Variants in WDR53 observed in about 807,000 individuals in gnomAD.
WDR53 encodes the protein WD repeat-containing protein 53.
A neutral mutation model predicts 21.3 loss-of-function variants in WDR53; 19 were observed. That is an observed-to-expected ratio of 0.89 (90% CI 0.62 to 1.31). The LOEUF (loss-of-function observed/expected upper bound fraction) is 1.31, where lower values mean the gene tolerates loss of function less well. Among genes scored for constraint, WDR53 ranks in the 50% most tolerant of loss-of-function variants. WDR53 has a pLI of 0.00. For synonymous variants in WDR53, 157 were observed against 163.4 expected (o/e 0.96, Z 0.30); for missense variants, 374 against 423.2 (o/e 0.88, Z 1.02).
chr3:196,559,279 T>G (rs1190528709), intron 3 of WDR53, among the ~76,000 whole-genome samples: 3 of 152,184 alleles, frequency 2.0e-5, no homozygotes. Flanking sequence ...GTAGGAGATT[T>G]ATAAAGGGCT....
In WDR53 at chr3:196,566,895, G is replaced by C. The variant is rs1735455306; in HGVS notation, c.-35C>G. 4.8e-6 allele frequency: 1 copy of C among 209,848 alleles called. No homozygotes were observed. Among genetic ancestry groups the C allele is most frequent in the Non-Finnish European group, 9.8e-6 (1 of 101,594 alleles). 13.0% of individuals were successfully genotyped at this position (209,848 alleles called of 1,614,324 possible). A position where few individuals can be genotyped will look rare whatever the true frequency, so the allele number is the denominator to read the frequency against. On this transcript the variant is annotated 5_prime_UTR_variant, in exon 2 of 4. Transcript: ENST00000332629. Reference sequence around the variant, plus strand: ...ATCTTACTTTGAAATTCTACCTGGGGCGCTCAGGAGACGGTCTGCCGTTGA... The same window carrying C: ...ATCTTACTTTGAAATTCTACCTGGGCCGCTCAGGAGACGGTCTGCCGTTGA...
At chr3:196,560,882 T>C in intron 3 of WDR53, 114 bp downstream of exon 3, 1 of 1,313,542 alleles carries the variant, frequency 7.6e-7, no homozygotes, top group Non-Finnish European at 1.0e-6. Flanking sequence ...TGTTCATAAA[T>C]GGATATGTTA....
At chr3:196,567,797 C>A in intron 1 of WDR53, among the ~76,000 whole-genome samples, 1 of 105,860 alleles carries the variant, frequency 9.4e-6, no homozygotes, top group African/African-American at 3.8e-5. Context: ...GAGGTAGGGG[C>A]TCACTCTGTC....
rs928374185 is a variant in WDR53, at chr3:196,561,385, C to T, written c.91G>A (p.Gly31Arg). 5.6e-6 allele frequency: 9 copies of T among 1,614,002 alleles called. No individual in the cohort carries two copies. Among genetic ancestry groups the T allele is most frequent in the African/African-American group, 5.3e-5 (4 of 74,894 alleles). ...TCTTCACCCCAAGCCGTGAGATCTCCGCCCTCTGCTCCAGAAGCCAGCAGC... is the reference window on the plus strand; with the variant it reads ...TCTTCACCCCAAGCCGTGAGATCTCTGCCCTCTGCTCCAGAAGCCAGCAGC... ...EGLLASGAEG[G>R]DLTAWGEDGT... Residue 31 changes from glycine (G) to arginine (R), a missense_variant, in exon 3 of 4, where the codon GGA becomes AGA. Gly to Arg is a moderately radical substitution (Grantham distance 125). Coordinates refer to ENST00000332629, the MANE Select transcript of WDR53 (RefSeq NM_182627.3).
intron 2 of WDR53, among the ~76,000 whole-genome samples, chr3:196,566,598 G>A (rs1735419652): frequency 1.3e-5 from 2 of 151,656 alleles, no homozygotes; most frequent in Non-Finnish European, 2.9e-5. Context: ...ATGTTTGGTA[G>A]AGATGGGGTT....
rs898756075 is a variant in WDR53, at chr3:196,566,907, C to T, written c.-47G>A. On this transcript the variant is annotated 5_prime_UTR_variant, in exon 2 of 4. Transcript: ENST00000332629. ...AATTCTACCTGGGGCGCTCAGGAGA[C>T]GGTCTGCCGTTGAAAGTCACCTCAG... is the stretch of plus-strand genomic sequence containing the variant. The T allele has an allele frequency of 1.4e-5, 3 of 215,786 alleles. No homozygotes were observed. The highest frequency in any genetic ancestry group is 2.9e-5 in the Non-Finnish European group (3 of 104,706). The allele number at this position is 215,786 out of a possible 1,614,324, so 13.4% of individuals were successfully genotyped here. A position where few individuals can be genotyped will look rare whatever the true frequency, so the allele number is the denominator to read the frequency against.
chr3:196,554,373 T>G lies in WDR53; in HGVS notation c.915A>C (p.Ser305=). 3.1e-6 allele frequency: 5 copies of G among 1,614,240 alleles called. No individual in the cohort carries two copies. Among genetic ancestry groups the G allele is most frequent in the Non-Finnish European group, 4.2e-6 (5 of 1,180,028 alleles). The change falls in exon 4 of 4, where the codon TCA becomes TCC. Residue 305 remains serine (S), a synonymous_variant. Transcript: ENST00000332629. ...CTKQGGNTNA[S]VTDEEEHGNI... Reference sequence around the variant, plus strand: ...TGCCATGTTCTTCCTCATCTGTTACTGAAGCGTTAGTATTTCCACCCTGCT... The same window carrying G: ...TGCCATGTTCTTCCTCATCTGTTACGGAAGCGTTAGTATTTCCACCCTGCT...
intron 3 of WDR53, among the ~76,000 whole-genome samples, chr3:196,555,128 C>A (rs1364810754): frequency 6.6e-6 from 1 of 152,146 alleles, no homozygotes; most frequent in Non-Finnish European, 1.5e-5. Flanking sequence ...CAAGTAAAAC[C>A]AAAGATTATC....
At chr3:196,559,237 A>T (rs534893571) in intron 3 of WDR53, among the ~76,000 whole-genome samples, 3 of 152,356 alleles carry the variant, frequency 2.0e-5, no homozygotes, top group African/African-American at 7.2e-5. Flanking sequence ...TTACAACCAC[A>T]AGGGCAGATT....
intron 2 of WDR53, among the ~76,000 whole-genome samples, chr3:196,566,477 A>T (rs1735405680): frequency 6.6e-6 from 1 of 150,466 alleles, no homozygotes; most frequent in Non-Finnish European, 1.5e-5. Flanking sequence ...GCAATGGTGC[A>T]ATCTCGGCTC....
chr3:196,555,487 TATTA>T (rs1386298573), intron 3 of WDR53, among the ~76,000 whole-genome samples: 3 of 152,250 alleles, frequency 2.0e-5, no homozygotes, highest in African/African-American at 7.2e-5. Context: ...GACATCCTGG[TATTA>T]ATTTCATTTG....
chr3:196,564,699 T>C (rs1030706715), intron 2 of WDR53, among the ~76,000 whole-genome samples: 1 of 152,174 alleles, frequency 6.6e-6, no homozygotes, highest in African/African-American at 2.4e-5. Context: ...ATCACTTTTT[T>C]GCCAAGTTAT....
rs1278951649 is a variant in WDR53, at chr3:196,566,660, C to T, written c.-17+217G>A. ...AACTCCTGACTGCAGGTGATCCGCC[C>T]GCTTCGGCCTCCCAAAGTGCTGGGA... On this transcript the variant is annotated intron_variant, in intron 2 of 3. Coordinates refer to ENST00000332629, the MANE Select transcript of WDR53 (RefSeq NM_182627.3). Among the ~76,000 whole-genome samples, 4 of 152,214 alleles carry T rather than the reference C, an allele frequency of 2.6e-5. 1 individual carries two copies. The highest frequency in any genetic ancestry group is 2.0e-4 in the Admixed American group (3 of 15,290).
In WDR53 at chr3:196,561,342, T is replaced by C. The variant is rs957705352; in HGVS notation, c.134A>G (p.His45Arg). 7 of 1,614,006 alleles carry C rather than the reference T, an allele frequency of 4.3e-6. No individual in the cohort carries two copies. The highest frequency in any genetic ancestry group is 5.9e-6 in the Non-Finnish European group (7 of 1,180,024). Residue 45 changes from histidine to arginine, a missense_variant, in exon 3 of 4, where the codon CAC (histidine) becomes CGC (arginine). His to Arg is a conservative substitution (Grantham distance 29). Transcript: ENST00000332629. ...ATCATCAGCCCCTTGGAACCGCGTGTGTCCTAATGGAGTTCCATCTTCACC... is the reference window on the plus strand; with the variant it reads ...ATCATCAGCCCCTTGGAACCGCGTGCGTCCTAATGGAGTTCCATCTTCACC... ...AWGEDGTPLG[H>R]TRFQGADDVT...
At chr3:196,564,859 T>C (rs1735229525) in intron 2 of WDR53, among the ~76,000 whole-genome samples, 1 of 152,320 alleles carries the variant, frequency 6.6e-6, no homozygotes, top group African/African-American at 2.4e-5. Context: ...GCAAGGTTTC[T>C]AGTGCTCCTG....
intron 3 of WDR53, among the ~76,000 whole-genome samples, 159 bp from the exon 4 acceptor site, chr3:196,554,966 C>T (rs1217088484): frequency 6.6e-6 from 1 of 152,118 alleles, no homozygotes; most frequent in Non-Finnish European, 1.5e-5. Context: ...GCTGCCATAA[C>T]ATGCCAGTGG....
intron 1 of WDR53, 56 bp from the exon 2 acceptor site, chr3:196,567,363 G>A: frequency 5.1e-6 from 2 of 390,724 alleles, no homozygotes; most frequent in Middle Eastern, 8.5e-4. Flanking sequence ...GACATGAGGA[G>A]AAGGGACAGG....
chr3:196,558,466 C>G (rs909774404), intron 3 of WDR53, among the ~76,000 whole-genome samples: 2 of 152,228 alleles, frequency 1.3e-5, no homozygotes, highest in African/African-American at 2.4e-5. Flanking sequence ...CTTGGCCTCC[C>G]AAAGTGCTGG....
intron 2 of WDR53, among the ~76,000 whole-genome samples, chr3:196,564,695 T>A (rs2108707013): frequency 6.6e-6 from 1 of 152,266 alleles, no homozygotes; most frequent in Admixed American, 6.5e-5. Flanking sequence ...GTCGATCACT[T>A]TTTTGCCAAG....
Sources: allele counts gnomAD v4.1 joint callset (sites outside exome capture counted in the v4.1 genomes callset), GRCh38; gene constraint gnomAD v4.1.1; transcripts MANE v1.5; gene names NCBI Gene and HGNC (gene_info 2026-07-23, HGNC 2026-07-21).